OLFM3: variants seen among roughly 807,000 people sequenced by gnomAD.
OLFM3 encodes olfactomedin 3.
Under a neutral mutation model 48.6 loss-of-function variants are expected in OLFM3, and 20 were observed. That is an observed-to-expected ratio of 0.41 (90% confidence interval 0.29 to 0.60). The LOEUF (loss-of-function observed/expected upper bound fraction) is 0.60. OLFM3 is among the 20% of genes least tolerant of loss of function. The pLI, the probability that OLFM3 is intolerant of heterozygous loss-of-function variation, is 0.28. For synonymous variants in OLFM3, 222 were observed against 198.1 expected (o/e 1.12, Z -1.01); for missense variants, 437 against 544.3 (o/e 0.80, Z 1.96).
At chr1:101,828,036 CTGTCTGTCTG>C (rs1654955828) in intron 3 of OLFM3, among the ~76,000 whole-genome samples, 1 of 82,112 alleles carries the variant, frequency 1.2e-5, no homozygotes, top group Non-Finnish European at 2.9e-5. Flanking sequence ...CTCTCTCTGT[CTGTCTGTCTG>C]TCTGTCTCTC....
intron 1 of OLFM3, among the ~76,000 whole-genome samples, chr1:101,902,479 A>G (rs755282281): frequency 6.6e-6 from 1 of 151,972 alleles, no homozygotes; most frequent in Non-Finnish European, 1.5e-5. Context: ...GAAGGAACTA[A>G]GTAGTAGAGA....
chr1:101,948,364 C>A lies in OLFM3; in HGVS notation c.69+48384G>T, dbSNP rs79442400. Among the ~76,000 whole-genome samples, 315 of 151,846 alleles carry A rather than the reference C, an allele frequency of 2.1e-3. 3 individuals carry two copies. The East Asian group carries it at 0.028, about 14-fold the overall frequency. On this transcript the variant is annotated intron_variant, in intron 1 of 5. Coordinates refer to ENST00000370103, the MANE Select transcript of OLFM3 (RefSeq NM_058170.4). Reference sequence around the variant, plus strand: ...TTTTCTTCCCATTCTTCCTTCATTCCTTTTCTTACCAAATCAATTATCAGA... The same window carrying A: ...TTTTCTTCCCATTCTTCCTTCATTCATTTTCTTACCAAATCAATTATCAGA...
At position 101,929,814 on chromosome 1, in the gene OLFM3, T is replaced by C. The variant is rs571741435; in HGVS notation, c.69+66934A>G. Among the ~76,000 whole-genome samples, 9 of 152,252 alleles carry C rather than the reference T, an allele frequency of 5.9e-5. No individual in the cohort carries two copies. In the South Asian group the frequency reaches 1.9e-3, roughly 32 times the overall value. On this transcript the variant is annotated intron_variant, in intron 1 of 5. Coordinates refer to ENST00000370103, the MANE Select transcript of OLFM3 (RefSeq NM_058170.4). ...ATCCCAGTAATGTTTTCTTGCTTGA[T>C]TAGTTCTAAATGTTTTAAGATCTGA... is the stretch of plus-strand genomic sequence containing the variant.
chr1:101,840,069 A>G (rs1655636927), intron 1 of OLFM3, among the ~76,000 whole-genome samples: 1 of 152,158 alleles, frequency 6.6e-6, no homozygotes, highest in Non-Finnish European at 1.5e-5. Context: ...GTTCTCTTTT[A>G]GAGAATCCAT....
At position 101,898,581 on chromosome 1, in the gene OLFM3, G is replaced by A. The variant is rs111744187; in HGVS notation, c.70-61556C>T. 4.0e-3 allele frequency among the ~76,000 whole-genome samples: 602 copies of A among 152,268 alleles called. 7 individuals are homozygous for A. The highest frequency in any genetic ancestry group is 0.014 in the African/African-American group (576 of 41,548). On this transcript the variant is annotated intron_variant, in intron 1 of 5. Coordinates refer to ENST00000370103, the MANE Select transcript of OLFM3 (RefSeq NM_058170.4). ...AATAGAATTGAGGCCGGGCATGGTC[G>A]CTCATGCCTGTAATTCCAGCACTTT...
At chr1:101,826,930 GC>G (rs997213231) in intron 3 of OLFM3, among the ~76,000 whole-genome samples, 4 of 152,108 alleles carry the variant, frequency 2.6e-5, no homozygotes, top group African/African-American at 9.7e-5. Context: ...AATGTTGGTA[GC>G]TTTTCTTCTC....
intron 1 of OLFM3, among the ~76,000 whole-genome samples, chr1:101,984,002 C>A (rs185289679): frequency 6.6e-6 from 1 of 152,286 alleles, no homozygotes; most frequent in African/African-American, 2.4e-5. Context: ...GTAATCCCAG[C>A]ACCATGGGAG....
At chr1:101,832,390 G>A (rs1008637829) in intron 2 of OLFM3, among the ~76,000 whole-genome samples, 1 of 152,138 alleles carries the variant, frequency 6.6e-6, no homozygotes, top group African/African-American at 2.4e-5. Context: ...CTATAATATT[G>A]GAAAAAGGCA....
chr1:101,913,736 T>A (rs1658834943), intron 1 of OLFM3, among the ~76,000 whole-genome samples: 2 of 151,070 alleles, frequency 1.3e-5, no homozygotes, highest in South Asian at 4.2e-4. Flanking sequence ...AAGACTGATA[T>A]CCCTGAGGCC....
At chr1:101,824,643 AAACAAC>A (rs149607229) in intron 4 of OLFM3, among the ~76,000 whole-genome samples, 23,164 of 150,416 alleles carry the variant, frequency 0.15, 1,988 homozygotes, top group East Asian at 0.27. Context: ...CCCACTAACC[AAACAAC>A]AACAACAACA....
At chr1:101,915,643 TTAAAA>T (rs1658901432) in intron 1 of OLFM3, among the ~76,000 whole-genome samples, 1 of 152,114 alleles carries the variant, frequency 6.6e-6, no homozygotes. Flanking sequence ...TTGATGAATG[TTAAAA>T]TAAAGTAATA....
At chr1:101,977,843 T>A (rs2101104759) in intron 1 of OLFM3, among the ~76,000 whole-genome samples, 2 of 152,246 alleles carry the variant, frequency 1.3e-5, no homozygotes, top group Admixed American at 1.3e-4. Flanking sequence ...CTTCATAAAT[T>A]AACCTGAAAA....
At chr1:101,843,371 AG>A (rs907602343) in intron 1 of OLFM3, among the ~76,000 whole-genome samples, 2 of 152,104 alleles carry the variant, frequency 1.3e-5, no homozygotes, top group African/African-American at 4.8e-5. Flanking sequence ...CCACAGCGTG[AG>A]GGATTTCTCA....
At chr1:101,845,483 A>T (rs749574875) in intron 1 of OLFM3, among the ~76,000 whole-genome samples, 13 of 152,312 alleles carry the variant, frequency 8.5e-5, no homozygotes, top group Non-Finnish European at 1.2e-4. Context: ...TTAGTACCTC[A>T]GTTTACATTC....
chr1:101,822,161 C>T (rs1654636087), intron 4 of OLFM3, among the ~76,000 whole-genome samples: 1 of 151,938 alleles, frequency 6.6e-6, no homozygotes, highest in South Asian at 2.1e-4. Context: ...AAAAAACAAA[C>T]AAATGGGGTT....
chr1:101,896,857 A>C (rs1365500607), intron 1 of OLFM3, among the ~76,000 whole-genome samples: 1 of 151,870 alleles, frequency 6.6e-6, no homozygotes, highest in Non-Finnish European at 1.5e-5. Context: ...CCTTGGCTTC[A>C]TTTGACTCTC....
intron 1 of OLFM3, among the ~76,000 whole-genome samples, chr1:101,887,146 C>A (rs762958871): frequency 1.3e-5 from 2 of 151,054 alleles, no homozygotes; most frequent in South Asian, 2.1e-4. Context: ...ATTTGTATAA[C>A]CTCCTGGTGA....
At chr1:101,954,327 A>C (rs1163571779) in intron 1 of OLFM3, among the ~76,000 whole-genome samples, 1 of 152,090 alleles carries the variant, frequency 6.6e-6, no homozygotes, top group Non-Finnish European at 1.5e-5. Context: ...ACATGTAGGA[A>C]TGTATAATTT....
chr1:101,904,615 C>G (rs1345129650), intron 1 of OLFM3, among the ~76,000 whole-genome samples: 1 of 151,996 alleles, frequency 6.6e-6, no homozygotes, highest in Non-Finnish European at 1.5e-5. Context: ...CTGCAATACA[C>G]AAAGCTGTGA....
Sources: allele counts gnomAD v4.1 joint callset (sites outside exome capture counted in the v4.1 genomes callset), GRCh38; gene constraint gnomAD v4.1.1; transcripts MANE v1.5; gene names NCBI Gene and HGNC (gene_info 2026-07-23, HGNC 2026-07-21).